SMARCA1: variants seen among roughly 807,000 people sequenced by gnomAD.
The protein encoded by SMARCA1 is SWI/SNF-related matrix-associated actin-dependent regulator of chromatin subfamily A member 1.
Under a neutral mutation model 93.6 loss-of-function variants are expected in SMARCA1, and 17 were observed. The ratio of observed to expected loss-of-function variants is 0.18; its 90% CI spans 0.12 to 0.27. The LOEUF is 0.27. Among genes scored for constraint, SMARCA1 ranks in the 10% least tolerant of loss-of-function variants. The pLI, the probability that SMARCA1 is intolerant of heterozygous loss-of-function variation, is 1.00. For missense variants in SMARCA1, 630 were observed against 819.0 expected (o/e 0.77, Z 2.82); for synonymous variants, 271 against 271.4 (o/e 1.00, Z 0.01).
intron 9 of SMARCA1, among the ~76,000 whole-genome samples, chrX:129,503,969 A>C (rs1934674762): frequency 9.4e-6 from 1 of 106,909 alleles, no homozygotes; most frequent in South Asian, 4.1e-4. Flanking sequence ...TCTCTCAAAA[A>C]AAAAAAAAAA....
At chrX:129,522,532 C>CG (rs1028330368) in intron 1 of SMARCA1, among the ~76,000 whole-genome samples, 7 of 9,473 alleles carry the variant, frequency 7.4e-4, no homozygotes, top group East Asian at 1.8e-3. Flanking sequence ...TTTGGGGGGG[C>CG]GGGGGGGTAC....
chrX:129,447,549 T>C (rs1932066037), intron 24 of SMARCA1, among the ~76,000 whole-genome samples: 1 of 111,765 alleles, frequency 8.9e-6, no homozygotes, highest in Non-Finnish European at 1.9e-5. Flanking sequence ...GGCAAAATTT[T>C]GTTTATGAGT....
chrX:129,508,217 T>C (rs1156818964), intron 6 of SMARCA1, 121 bp from the exon 7 acceptor site: 3 of 455,667 alleles, frequency 6.6e-6, no homozygotes, highest in Non-Finnish European at 1.0e-5. Flanking sequence ...GAGGATCATT[T>C]AGTTTCATCC....
intron 7 of SMARCA1, 140 bp from the exon 8 acceptor site, chrX:129,506,351 G>GT (rs1346114374): frequency 2.1e-6 from 1 of 476,641 alleles, no homozygotes; most frequent in Non-Finnish European, 3.6e-6. Context: ...CCTAGTTCAG[G>GT]TGACAATGCT....
At chrX:129,475,453 AG>A (rs1933338737) in intron 19 of SMARCA1, among the ~76,000 whole-genome samples, 1 of 111,025 alleles carries the variant, frequency 9.0e-6, no homozygotes, top group Non-Finnish European at 1.9e-5. Flanking sequence ...CAGGAGATGG[AG>A]GTTGCAGTGA....
intron 1 of SMARCA1, among the ~76,000 whole-genome samples, chrX:129,521,031 C>A (rs1935370584): frequency 9.3e-6 from 1 of 107,127 alleles, no homozygotes; most frequent in South Asian, 4.0e-4. Flanking sequence ...GTGCCTGCCA[C>A]CACACTTGGC....
intron 9 of SMARCA1, 39 bp downstream of exon 9, chrX:129,504,695 C>G: frequency 1.0e-6 from 1 of 957,969 alleles, no homozygotes; most frequent in Non-Finnish European, 1.5e-6. Context: ...TTTGTGTATA[C>G]TATTTAATTA....
Position 129,504,755 on chromosome X carries a change from T to G in SMARCA1, c.1146A>C (p.Lys382Asn). ...TTACTGCATGAAGTCTTTCCACGAG[T>G]TTTTGATCACCAAGACAATTTTTAG... is the stretch of plus-strand genomic sequence containing the variant. ...FDTKNCLGDQ[K>N]LVERLHAVLK... is the part of the protein sequence containing the mutation. The change falls in exon 9 of 25, where the codon AAA becomes AAC. Residue 382 changes from lysine (K) to asparagine (N), a missense_variant. Physicochemically the swap from Lys to Asn is moderately conservative, Grantham distance 94. Transcript: ENST00000371121. 3.3e-6 allele frequency: 4 copies of G among 1,199,512 alleles called. No individual in the cohort carries two copies. Among genetic ancestry groups the G allele is most frequent in the Non-Finnish European group, 3.4e-6 (3 of 885,543 alleles).
At chrX:129,503,131 C>T (rs2082997927) in intron 9 of SMARCA1, among the ~76,000 whole-genome samples, 1 of 111,706 alleles carries the variant, frequency 9.0e-6, no homozygotes, top group South Asian at 3.8e-4. Context: ...GCAGGAGATA[C>T]CTGGGATAGA....
At chrX:129,485,816 T>TG (rs1933865347) in intron 17 of SMARCA1, among the ~76,000 whole-genome samples, 1 of 111,622 alleles carries the variant, frequency 9.0e-6, no homozygotes, top group Non-Finnish European at 1.9e-5. Flanking sequence ...TCTCTCTCTG[T>TG]CTCTGCCATG....
At chrX:129,452,264 G>C (rs1429647710) in intron 23 of SMARCA1, among the ~76,000 whole-genome samples, 1 of 112,062 alleles carries the variant, frequency 8.9e-6, no homozygotes, top group East Asian at 2.8e-4. Context: ...GGGGATTACA[G>C]GGAATTGTTC....
intron 23 of SMARCA1, among the ~76,000 whole-genome samples, chrX:129,451,989 C>T (rs1199843421): frequency 1.8e-5 from 2 of 112,047 alleles, no homozygotes; most frequent in African/African-American, 6.5e-5. Context: ...AGGCGTGAGC[C>T]ACCACGCCCA....
intron 16 of SMARCA1, 125 bp from the exon 17 acceptor site, chrX:129,487,262 T>C: frequency 1.1e-5 from 5 of 442,419 alleles, no homozygotes; most frequent in Non-Finnish European, 1.5e-5. Flanking sequence ...TTACAAGGTA[T>C]GAATGCAATG....
At chrX:129,466,051 A>G in intron 21 of SMARCA1, 89 bp from the exon 22 acceptor site, 1 of 432,263 alleles carries the variant, frequency 2.3e-6, no homozygotes, top group African/African-American at 2.5e-5. Flanking sequence ...AGGAAAGAAT[A>G]CAATGAGCTT....
chrX:129,459,150 G>A (rs1173838664), intron 23 of SMARCA1, among the ~76,000 whole-genome samples: 1 of 112,650 alleles, frequency 8.9e-6, no homozygotes, highest in Non-Finnish European at 1.9e-5. Context: ...ACTGGGCACA[G>A]TGGCTCACAC....
chrX:129,515,489 C>G (rs1403476861), intron 5 of SMARCA1, among the ~76,000 whole-genome samples, 198 bp downstream of exon 5: 1 of 111,143 alleles, frequency 9.0e-6, no homozygotes, highest in African/African-American at 3.3e-5. Flanking sequence ...GATTGCACCA[C>G]TGCACTCAAG....
At chrX:129,518,647 T>TA (rs905923969) in intron 1 of SMARCA1, 200 bp from the exon 2 acceptor site, 83 of 259,577 alleles carry the variant, frequency 3.2e-4, no homozygotes, top group Non-Finnish European at 4.9e-4. Context: ...TGAGGTCCAA[T>TA]AAAAAAAATC....
chrX:129,475,481 T>C (rs970155915), intron 19 of SMARCA1, among the ~76,000 whole-genome samples: 5 of 110,796 alleles, frequency 4.5e-5, no homozygotes, highest in African/African-American at 1.6e-4. Flanking sequence ...ACAGTGCCAC[T>C]GCACTCCAGC....
chrX:129,496,609 T>G, intron 12 of SMARCA1, 141 bp downstream of exon 12: 1 of 479,681 alleles, frequency 2.1e-6, no homozygotes, highest in South Asian at 3.7e-5. Context: ...CACTGAAGAT[T>G]GAAGAGAGAA....
Sources: gnomAD v4.1 joint callset for allele counts (sites outside exome capture counted in the v4.1 genomes callset) on GRCh38, gnomAD v4.1.1 for gene constraint, MANE v1.5 for transcripts, NCBI Gene and HGNC (gene_info 2026-07-23, HGNC 2026-07-21) for gene names.